Variants in RSRC1 observed in about 807,000 individuals in gnomAD.
RSRC1 encodes arginine and serine rich coiled-coil 1, also known as serine/Arginine-related protein 53.
Under a neutral mutation model 49.1 loss-of-function variants are expected in RSRC1, and 39 were observed. The observed-to-expected ratio is 0.79, with a 90% CI of 0.61 to 1.04. RSRC1 has a LOEUF of 1.04. Among genes scored for constraint, RSRC1 ranks in the 50% least tolerant of loss-of-function variants. The pLI, the probability that RSRC1 is intolerant of heterozygous loss-of-function variation, is 0.00. For synonymous variants in RSRC1, 143 were observed against 130.8 expected (o/e 1.09, Z -0.63); for missense variants, 388 against 402.4 (o/e 0.96, Z 0.31).
chr3:158,427,597 T>C (rs967148585), intron 6 of RSRC1, among the ~76,000 whole-genome samples: 13 of 151,868 alleles, frequency 8.6e-5, no homozygotes, highest in Admixed American at 3.9e-4. Context: ...ATCAGTAATA[T>C]GTACTAGAGA....
At chr3:158,156,915 AAGTG>A (rs1717914259) in intron 3 of RSRC1, among the ~76,000 whole-genome samples, 1 of 152,226 alleles carries the variant, frequency 6.6e-6, no homozygotes, top group Non-Finnish European at 1.5e-5. Context: ...CAGAGACACT[AAGTG>A]AGCACATGCT....
chr3:158,354,219 G>C (rs1731038839), intron 5 of RSRC1, among the ~76,000 whole-genome samples: 2 of 152,028 alleles, frequency 1.3e-5, no homozygotes, highest in African/African-American at 4.8e-5. Flanking sequence ...TCGATCTCTT[G>C]ACCTTGTGAT....
chr3:158,177,155 A>G (rs148016423), intron 3 of RSRC1, among the ~76,000 whole-genome samples: 1 of 152,326 alleles, frequency 6.6e-6, no homozygotes, highest in African/African-American at 2.4e-5. Flanking sequence ...AATGCTGGAG[A>G]GGATGTGGAG....
intron 7 of RSRC1, among the ~76,000 whole-genome samples, chr3:158,484,757 A>G (rs1190919985): frequency 6.6e-6 from 1 of 152,124 alleles, no homozygotes; most frequent in East Asian, 1.9e-4. Context: ...ATAAGAGTAT[A>G]CATAAAGAGA....
intron 4 of RSRC1, among the ~76,000 whole-genome samples, chr3:158,261,275 G>A (rs186150112): frequency 3.9e-5 from 6 of 152,296 alleles, no homozygotes; most frequent in East Asian, 1.9e-4. Context: ...AAAACTGTGC[G>A]TGGTCAGTCT....
intron 4 of RSRC1, among the ~76,000 whole-genome samples, chr3:158,295,116 A>C (rs1173378431): frequency 6.6e-6 from 1 of 152,096 alleles, no homozygotes; most frequent in Non-Finnish European, 1.5e-5. Flanking sequence ...GTGTTAATGG[A>C]AATATATAGG....
chr3:158,457,426 T>G (rs571989369), intron 6 of RSRC1, among the ~76,000 whole-genome samples: 1 of 152,150 alleles, frequency 6.6e-6, no homozygotes, highest in Non-Finnish European at 1.5e-5. Flanking sequence ...GTTTGAGAGA[T>G]AGATTGTGAG....
intron 3 of RSRC1, among the ~76,000 whole-genome samples, chr3:158,145,588 TG>T (rs1414685653): frequency 2.0e-5 from 3 of 152,220 alleles, no homozygotes; most frequent in African/African-American, 7.2e-5. Context: ...TTTATTCTTT[TG>T]GCTTAGGATT....
intron 4 of RSRC1, among the ~76,000 whole-genome samples, chr3:158,217,653 T>A (rs1282749880): frequency 6.6e-6 from 1 of 151,476 alleles, no homozygotes; most frequent in Admixed American, 6.6e-5. Flanking sequence ...ATTTTGTCAT[T>A]TATTCATCAA....
chr3:158,460,636 A>G (rs1173567555), intron 6 of RSRC1, among the ~76,000 whole-genome samples: 1 of 151,936 alleles, frequency 6.6e-6, no homozygotes, highest in Non-Finnish European at 1.5e-5. Context: ...ATGACTTTTA[A>G]TGACAAACAA....
chr3:158,111,822 T>G (rs904490266), intron 1 of RSRC1, among the ~76,000 whole-genome samples: 3 of 152,220 alleles, frequency 2.0e-5, no homozygotes, highest in South Asian at 4.1e-4. Context: ...TCAAACTGAT[T>G]GCCTGTTTTC....
chr3:158,506,707 C>A (rs1239087877), intron 7 of RSRC1, among the ~76,000 whole-genome samples: 1 of 151,528 alleles, frequency 6.6e-6, no homozygotes, highest in African/African-American at 2.4e-5. Context: ...AAAAGGAAAC[C>A]CACATACACT....
intron 7 of RSRC1, among the ~76,000 whole-genome samples, chr3:158,513,511 A>G (rs1425806002): frequency 5.7e-4 from 87 of 151,736 alleles, no homozygotes; most frequent in African/African-American, 1.4e-3. Context: ...TGCTGGATTC[A>G]GTTTGCCAGT....
At chr3:158,529,746 G>A (rs1016101864) in intron 7 of RSRC1, among the ~76,000 whole-genome samples, 1 of 151,886 alleles carries the variant, frequency 6.6e-6, no homozygotes, top group South Asian at 2.1e-4. Flanking sequence ...ATATACACCA[G>A]AACAAAATAT....
At chr3:158,161,442 A>T (rs1279532691) in intron 3 of RSRC1, among the ~76,000 whole-genome samples, 1 of 152,208 alleles carries the variant, frequency 6.6e-6, no homozygotes, top group Admixed American at 6.5e-5. Flanking sequence ...CTAAGCTCAA[A>T]GTCAAGGGCA....
At chr3:158,393,706 C>G (rs934697678) in intron 6 of RSRC1, among the ~76,000 whole-genome samples, 4 of 151,950 alleles carry the variant, frequency 2.6e-5, no homozygotes, top group South Asian at 2.1e-4. Flanking sequence ...CAGGAGCAGA[C>G]AGATTCACAG....
chr3:158,538,009 A>G (rs1355535318), intron 8 of RSRC1, among the ~76,000 whole-genome samples: 2 of 151,788 alleles, frequency 1.3e-5, no homozygotes, highest in South Asian at 4.1e-4. Context: ...CATTGTTTTA[A>G]TACATGTTTC....
chr3:158,333,072 CA>C (rs1729651894), intron 5 of RSRC1, among the ~76,000 whole-genome samples: 1 of 151,850 alleles, frequency 6.6e-6, no homozygotes, highest in Admixed American at 6.6e-5. Context: ...GGGTTCACGC[CA>C]TTCGCCTGCC....
intron 7 of RSRC1, among the ~76,000 whole-genome samples, chr3:158,462,414 G>A (rs755903605): frequency 1.3e-5 from 2 of 151,862 alleles, no homozygotes; most frequent in African/African-American, 2.4e-5. Context: ...ATAAAACTCT[G>A]TGGTACCGTA....
Sources: gnomAD v4.1 joint callset for allele counts (sites outside exome capture counted in the v4.1 genomes callset) on GRCh38, gnomAD v4.1.1 for gene constraint, MANE v1.5 for transcripts, NCBI Gene and HGNC (gene_info 2026-07-23, HGNC 2026-07-21) for gene names.